Variants in MARK1 observed in about 807,000 individuals in gnomAD.
The protein encoded by MARK1 is serine/threonine-protein kinase MARK1.
Under a neutral mutation model 96.3 loss-of-function variants are expected in MARK1, and 40 were observed. That is an observed-to-expected ratio of 0.42 (90% confidence interval 0.32 to 0.54). The LOEUF (loss-of-function observed/expected upper bound fraction) is 0.54. MARK1 is among the 20% of genes least tolerant of loss of function. The pLI is 0.16. For missense variants in MARK1, 719 were observed against 984.6 expected, an observed-to-expected ratio of 0.73 and a Z score of 3.61; for synonymous variants, 317 against 341.2, an observed-to-expected ratio of 0.93 and a Z score of 0.78.
intron 2 of MARK1, among the ~76,000 whole-genome samples, chr1:220,580,400 C>T (rs926749002): frequency 1.4e-4 from 21 of 151,656 alleles, no homozygotes; most frequent in Admixed American, 1.1e-3. Flanking sequence ...TACTTGAGCC[C>T]GGGAGGTCAA....
In MARK1 at chr1:220,657,791, G is replaced by A; in HGVS notation, c.1990G>A (p.Asp664Asn). 1 of 1,574,644 alleles carries A rather than the reference G, an allele frequency of 6.4e-7. No individual in the cohort carries two copies. The highest frequency in any genetic ancestry group is 1.2e-5 in the South Asian group (1 of 82,426). Residue 664 changes from aspartate to asparagine, a missense_variant and splice_region_variant, in exon 17 of 18, where the codon GAT becomes AAT. Physicochemically the swap from Asp to Asn is conservative, Grantham distance 23. Coordinates refer to ENST00000366917, the MANE Select transcript of MARK1 (RefSeq NM_018650.5). ...TCTCAACCTTCACTTTGTTTTGAGG[G>A]ATCCAAGTGAAGGCGAAGCCAGTGG... The part of the protein sequence containing the change: ...SKITSKFVRR[D>N]PSEGEASGRT...
rs2103082396 is a variant in MARK1 at position 220,662,575 on chromosome 1, T to C, written c.*409T>C. 6.2e-6 allele frequency: 1 copy of C among 162,408 alleles called. No homozygotes were observed. The highest frequency in any genetic ancestry group is 1.4e-5 in the Non-Finnish European group (1 of 73,734). The allele number at this position is 162,408 out of a possible 1,614,324, so 10.1% of individuals were successfully genotyped here. A position where few individuals can be genotyped will look rare whatever the true frequency, so the allele number is the denominator to read the frequency against. ...AAAATTCTTACCTCCATCATGCAAT[T>C]TTGAAAATTGTGTCCAGAATTAAAA... On this transcript the variant is annotated 3_prime_UTR_variant, in exon 18 of 18. Coordinates refer to ENST00000366917, the MANE Select transcript of MARK1 (RefSeq NM_018650.5).
At chr1:220,632,334 G>T in intron 11 of MARK1, 21 bp downstream of exon 11, 1 of 1,090,846 alleles carries the variant, frequency 9.2e-7, no homozygotes, top group South Asian at 1.6e-5. Context: ...CACCTTTTCA[G>T]ATTACTGTGA....
intron 13 of MARK1, among the ~76,000 whole-genome samples, chr1:220,639,242 G>A (rs1572216964): frequency 6.6e-6 from 1 of 151,954 alleles, no homozygotes; most frequent in Non-Finnish European, 1.5e-5. Flanking sequence ...CAGCCTGGGT[G>A]ACAGAGTGAG....
chr1:220,543,689 T>C (rs1661295945), intron 1 of MARK1, among the ~76,000 whole-genome samples: 1 of 152,198 alleles, frequency 6.6e-6, no homozygotes, highest in Non-Finnish European at 1.5e-5. Context: ...GTTTGGCATA[T>C]TTTTTGGTAC....
chr1:220,655,229 C>T (rs1243332039), intron 16 of MARK1, among the ~76,000 whole-genome samples: 7 of 152,102 alleles, frequency 4.6e-5, no homozygotes, highest in Non-Finnish European at 1.5e-5. Flanking sequence ...AGAGCTCAGT[C>T]TTTGGACACA....
intron 13 of MARK1, 51 bp downstream of exon 13, chr1:220,636,077 G>T (rs897633566): frequency 3.2e-6 from 4 of 1,259,992 alleles, no homozygotes; most frequent in African/African-American, 3.1e-5. Context: ...CTTGTTTTAG[G>T]GTTATGTGTA....
At chr1:220,625,671 A>T in intron 9 of MARK1, 1 of 317,968 alleles carries the variant, frequency 3.1e-6, no homozygotes, top group Non-Finnish European at 6.3e-6. Flanking sequence ...AGTACTCTTC[A>T]CTTACCATTC....
chr1:220,585,999 A>ACGCGCGCG (rs1220597891), intron 3 of MARK1, among the ~76,000 whole-genome samples: 1 of 30,580 alleles, frequency 3.3e-5, no homozygotes, highest in African/African-American at 5.1e-5. Context: ...ACACACACAC[A>ACGCGCGCG]CACACACACA....
intron 9 of MARK1, among the ~76,000 whole-genome samples, chr1:220,628,474 A>G (rs1477176652): frequency 1.3e-5 from 2 of 152,134 alleles, no homozygotes; most frequent in Admixed American, 6.5e-5. Context: ...ACAAGGGGCT[A>G]CTTATTTAGG....
At chr1:220,607,401 T>C (rs11118578) in intron 6 of MARK1, among the ~76,000 whole-genome samples, 88,530 of 151,984 alleles carry the variant, frequency 0.58, 27,129 homozygotes, top group Non-Finnish European at 0.68. Context: ...TGAAGTTGCT[T>C]ATCAGCTTAA....
In MARK1 at chr1:220,599,853, C is replaced by T. The variant is rs1665621072; in HGVS notation, c.414C>T (p.Tyr138=). The change falls in exon 5 of 18, where the codon TAC becomes TAT. Residue 138 remains tyrosine (Y), a synonymous_variant. Transcript: ENST00000366917. ...AGACTCTCTATTTAGTCATGGAATA[C>T]GCGAGTGGGGGTAAGAATGAGGGTG... The part of the protein sequence containing the change: ...TEKTLYLVME[Y]ASGGEVFDYL... 3.7e-6 allele frequency: 6 copies of T among 1,605,070 alleles called. No homozygotes were observed. The highest frequency in any genetic ancestry group is 1.1e-5 in the South Asian group (1 of 89,770).
chr1:220,578,372 G>A (rs1167973391), intron 1 of MARK1, among the ~76,000 whole-genome samples: 1 of 152,206 alleles, frequency 6.6e-6, no homozygotes, highest in African/African-American at 2.4e-5. Flanking sequence ...GTCCATAGGT[G>A]AACAGGATCA....
At chr1:220,596,819 G>A (rs61633203) in intron 3 of MARK1, among the ~76,000 whole-genome samples, 1,709 of 152,072 alleles carry the variant, frequency 0.011, 26 homozygotes, top group African/African-American at 0.039. Flanking sequence ...AATGTTTTTC[G>A]TCTTCCAAAA....
rs1397886475 is a variant in MARK1 at position 220,599,817 on chromosome 1, T to C, written c.378T>C (p.Ile126=). 4 of 1,607,638 alleles carry C rather than the reference T, an allele frequency of 2.5e-6. No homozygotes were observed. The highest frequency in any genetic ancestry group is 3.4e-6 in the Non-Finnish European group (4 of 1,175,552). The part of the protein sequence containing the change: ...HPNIVKLFEV[I]ETEKTLYLVM... Reference sequence around the variant, plus strand: ...TTTCAGTAAAATTGTTTGAAGTTATTGAAACAGAGAAGACTCTCTATTTAG... The same window carrying C: ...TTTCAGTAAAATTGTTTGAAGTTATCGAAACAGAGAAGACTCTCTATTTAG... Residue 126 remains isoleucine (I), a synonymous_variant, in exon 5 of 18, where the codon ATT becomes ATC. Coordinates refer to ENST00000366917, the MANE Select transcript of MARK1 (RefSeq NM_018650.5).
intron 1 of MARK1, among the ~76,000 whole-genome samples, chr1:220,556,660 C>T (rs1662287123): frequency 6.6e-6 from 1 of 151,842 alleles, no homozygotes; most frequent in South Asian, 2.1e-4. Flanking sequence ...GTTTTAAAGG[C>T]AGTAATAAAT....
chr1:220,613,592 G>A (rs1027834209), intron 6 of MARK1, among the ~76,000 whole-genome samples: 31 of 152,018 alleles, frequency 2.0e-4, no homozygotes, highest in Non-Finnish European at 5.9e-5. Context: ...CTCATGATAC[G>A]AAATAATCTT....
chr1:220,601,824 C>T (rs1665768280), intron 5 of MARK1, among the ~76,000 whole-genome samples: 1 of 152,174 alleles, frequency 6.6e-6, no homozygotes, highest in Non-Finnish European at 1.5e-5. Context: ...GCCTTCACCA[C>T]TCTCCTTCAG....
intron 16 of MARK1, among the ~76,000 whole-genome samples, chr1:220,656,611 T>G (rs898419288): frequency 2.0e-5 from 3 of 152,198 alleles, no homozygotes; most frequent in African/African-American, 7.2e-5. Context: ...ACTTTCAGCC[T>G]GCTCAAAAAT....
Sources: allele counts gnomAD v4.1 joint callset (sites outside exome capture counted in the v4.1 genomes callset), GRCh38; gene constraint gnomAD v4.1.1; transcripts MANE v1.5; gene names NCBI Gene and HGNC (gene_info 2026-07-23, HGNC 2026-07-21).